Variants in SEMA3E observed in about 807,000 individuals in gnomAD.
SEMA3E encodes semaphorin-3E.
In SEMA3E, 49 loss-of-function variants were observed where a neutral mutation model predicts 93.6. The ratio of observed to expected loss-of-function variants is 0.52; its 90% CI spans 0.42 to 0.66. The LOEUF is 0.66. SEMA3E is among the 30% of genes least tolerant of loss of function. SEMA3E has a pLI of 0.00. For synonymous variants in SEMA3E, 363 were observed against 330.7 expected, an observed-to-expected ratio of 1.10 and a Z score of -1.06; for missense variants, 906 against 964.8, an observed-to-expected ratio of 0.94 and a Z score of 0.81.
At chr7:83,463,737 C>T (rs1164699853) in intron 4 of SEMA3E, among the ~76,000 whole-genome samples, 2 of 152,108 alleles carry the variant, frequency 1.3e-5, no homozygotes, top group Non-Finnish European at 2.9e-5. Context: ...TAGAACCTCT[C>T]ATTTCCTTTC....
chr7:83,431,885 G>T (rs1022997908), intron 4 of SEMA3E, among the ~76,000 whole-genome samples: 7 of 151,700 alleles, frequency 4.6e-5, no homozygotes, highest in African/African-American at 1.5e-4. Flanking sequence ...ATAACAACAA[G>T]GTCTTTTATC....
At chr7:83,558,400 A>G (rs1259751354) in intron 1 of SEMA3E, among the ~76,000 whole-genome samples, 1 of 152,144 alleles carries the variant, frequency 6.6e-6, no homozygotes, top group Non-Finnish European at 1.5e-5. Context: ...TTTGTGGTCT[A>G]CTGTGCTACT....
intron 16 of SEMA3E, among the ~76,000 whole-genome samples, chr7:83,369,901 T>C (rs569896228): frequency 3.3e-5 from 5 of 152,324 alleles, no homozygotes; most frequent in South Asian, 2.1e-4. Context: ...CCTCACATGA[T>C]ACTGACTCTG....
chr7:83,555,351 ATG>A (rs1263841411), intron 1 of SEMA3E, among the ~76,000 whole-genome samples: 1 of 152,170 alleles, frequency 6.6e-6, no homozygotes, highest in Non-Finnish European at 1.5e-5. Context: ...AAGTGAATTG[ATG>A]TGTTACTTTT....
chr7:83,522,292 AT>A (rs1400617232), intron 1 of SEMA3E, among the ~76,000 whole-genome samples: 2 of 151,998 alleles, frequency 1.3e-5, no homozygotes, highest in Non-Finnish European at 2.9e-5. Flanking sequence ...TGTGGTTATC[AT>A]CAGATTACTG....
chr7:83,497,130 T>C (rs1248597185), intron 1 of SEMA3E, among the ~76,000 whole-genome samples: 1 of 152,164 alleles, frequency 6.6e-6, no homozygotes, highest in Non-Finnish European at 1.5e-5. Context: ...TCTGAGGATT[T>C]AGTCATTTCC....
At chr7:83,510,932 T>A (rs1183798008) in intron 1 of SEMA3E, among the ~76,000 whole-genome samples, 1 of 152,204 alleles carries the variant, frequency 6.6e-6, no homozygotes, top group Non-Finnish European at 1.5e-5. Flanking sequence ...ATATCACACT[T>A]TTTTTGTAAT....
At chr7:83,539,855 C>CTGTGTGTGTGTGTGTGTGTGTG (rs59200828) in intron 1 of SEMA3E, among the ~76,000 whole-genome samples, 16 of 122,748 alleles carry the variant, frequency 1.3e-4, no homozygotes, top group African/African-American at 2.1e-4. Context: ...TTTGTTGTTT[C>CTGTGTGTGTGTGTGTGTGTGTG]TGTGTGTGTG....
rs144608744 is a variant in SEMA3E, at chr7:83,400,018, G to A, written c.1366+10C>T. On this transcript the variant is annotated intron_variant, in intron 11 of 16. Coordinates refer to ENST00000643230, the MANE Select transcript of SEMA3E (RefSeq NM_012431.3). ...TTTAAATATCTCTGAGTACTTTCTC[G>A]TCTCTTTACCTGTCCCAATAAACAA... is the stretch of plus-strand genomic sequence containing the variant. 65 of 1,585,842 alleles carry A rather than the reference G, an allele frequency of 4.1e-5. No homozygotes were observed. Among genetic ancestry groups the A allele is most frequent in the South Asian group, 3.0e-4 (27 of 90,526 alleles).
In SEMA3E at chr7:83,384,172, T is replaced by C. The variant is rs1787835246; in HGVS notation, c.1875+1122A>G. On this transcript the variant is annotated intron_variant, in intron 16 of 16. Transcript: ENST00000643230. ...TAATTATCTCCCAGAATGTACTGTA[T>C]GATTTTGATCTAAAAACATGTTAGG... is the stretch of plus-strand genomic sequence containing the variant. Among the ~76,000 whole-genome samples, 4 of 152,072 alleles carry C rather than the reference T, an allele frequency of 2.6e-5. No individual in the cohort carries two copies. The Admixed American group carries it at 2.6e-4, about 10-fold the overall frequency.
At chr7:83,593,221 C>CCT (rs1036834220) in intron 1 of SEMA3E, among the ~76,000 whole-genome samples, 19 of 147,054 alleles carry the variant, frequency 1.3e-4, no homozygotes, top group East Asian at 1.0e-3. Context: ...ATCTCTGAAA[C>CCT]CTCTCTCTCT....
chr7:83,431,089 AAAAAG>A (rs369503155), intron 4 of SEMA3E, among the ~76,000 whole-genome samples: 28,923 of 54,028 alleles, frequency 0.54, 3,260 homozygotes, highest in Middle Eastern at 0.58. Context: ...AAAAAAGAAA[AAAAAG>A]AAAAAAAAAA....
At chr7:83,471,321 T>G (rs1400760329) in intron 2 of SEMA3E, among the ~76,000 whole-genome samples, 1 of 65,748 alleles carries the variant, frequency 1.5e-5, no homozygotes, top group East Asian at 4.0e-4. Context: ...AATTAAAACA[T>G]TAAAAAAAAA....
chr7:83,582,298 T>C (rs1792532569), intron 1 of SEMA3E, among the ~76,000 whole-genome samples: 1 of 151,084 alleles, frequency 6.6e-6, no homozygotes, highest in African/African-American at 2.4e-5. Context: ...AATGAACTAA[T>C]AAAATAGCAG....
intron 2 of SEMA3E, among the ~76,000 whole-genome samples, chr7:83,482,564 C>CAAAAAAAAAAAA (rs11429680): frequency 2.0e-4 from 16 of 80,232 alleles, no homozygotes; most frequent in African/African-American, 9.2e-4. Flanking sequence ...CACTCCGTCT[C>CAAAAAAAAAAAA]AAAAAAAAAA....
chr7:83,475,787 G>C (rs1327275934), intron 2 of SEMA3E, among the ~76,000 whole-genome samples: 1 of 152,158 alleles, frequency 6.6e-6, no homozygotes, highest in Non-Finnish European at 1.5e-5. Context: ...TTGTCACAAA[G>C]ATAAGATATT....
chr7:83,634,583 AT>A (rs1472920148), intron 1 of SEMA3E, among the ~76,000 whole-genome samples: 1 of 152,036 alleles, frequency 6.6e-6, no homozygotes, highest in African/African-American at 2.4e-5. Context: ...TGTTTTTTTA[AT>A]TGTATAGTTG....
At chr7:83,619,510 A>G (rs1434444057) in intron 1 of SEMA3E, among the ~76,000 whole-genome samples, 5 of 151,870 alleles carry the variant, frequency 3.3e-5, no homozygotes, top group African/African-American at 9.7e-5. Flanking sequence ...TTGTTATTTT[A>G]AATGGTCCAT....
intron 1 of SEMA3E, among the ~76,000 whole-genome samples, chr7:83,581,345 G>A (rs1381529016): frequency 1.3e-5 from 2 of 151,912 alleles, no homozygotes; most frequent in South Asian, 2.1e-4. Flanking sequence ...AATATTTACA[G>A]CCATGGATCT....
Sources: gnomAD v4.1 joint callset for allele counts (sites outside exome capture counted in the v4.1 genomes callset) on GRCh38, gnomAD v4.1.1 for gene constraint, MANE v1.5 for transcripts, NCBI Gene and HGNC (gene_info 2026-07-23, HGNC 2026-07-21) for gene names.